DSC1: variants seen among roughly 807,000 people sequenced by gnomAD.
The protein encoded by DSC1 is desmocollin 1.
Under a neutral mutation model 98.8 loss-of-function variants are expected in DSC1, and 79 were observed. That is an observed-to-expected ratio of 0.80 (90% CI 0.67 to 0.96). The LOEUF (loss-of-function observed/expected upper bound fraction) is 0.96. Among genes scored for constraint, DSC1 ranks in the 50% least tolerant of loss-of-function variants. DSC1 has a pLI of 0.00. For missense variants in DSC1, 1,115 were observed against 1,075.9 expected (o/e 1.04, Z -0.51); for synonymous variants, 405 against 372.1 (o/e 1.09, Z -1.02).
intron 1 of DSC1, 96 bp from the exon 2 acceptor site, chr18:31,159,625 T>C (rs1989174434): frequency 8.6e-7 from 1 of 1,162,238 alleles, no homozygotes; most frequent in Non-Finnish European, 1.2e-6. Context: ...TTGTCAATTT[T>C]GGAAACAAAT....
chr18:31,159,958 GAAGTCTAGAAA>G (rs1989179926), intron 1 of DSC1, among the ~76,000 whole-genome samples: 1 of 152,158 alleles, frequency 6.6e-6, no homozygotes, highest in Non-Finnish European at 1.5e-5. Context: ...TATAGTTGAT[GAAGTCTAGAAA>G]ATAGTTAAGG....
intron 5 of DSC1, among the ~76,000 whole-genome samples, chr18:31,154,467 G>A (rs1402091784): frequency 2.0e-5 from 3 of 151,970 alleles, no homozygotes; most frequent in African/African-American, 7.2e-5. Context: ...GAATAACTGA[G>A]TCATTTTATT....
In DSC1 at chr18:31,143,657, A is replaced by G; in HGVS notation, c.1074T>C (p.Ser358=). ...NDNPPSFTET[S]YVTEVEENRI... ...TGAATGAATAGAGAGGTATACTCAC[A>G]GAAGTTTCTGTGAAAGATGGTGGAT... The change falls in exon 8 of 16, where the codon TCT becomes TCC. Residue 358 remains serine, a splice_region_variant and synonymous_variant. Coordinates refer to ENST00000257198, the MANE Select transcript of DSC1 (RefSeq NM_024421.2). The G allele has an allele frequency of 6.3e-7, 1 of 1,574,910 alleles. No individual in the cohort carries two copies. Among genetic ancestry groups the G allele is most frequent in the Non-Finnish European group, 8.6e-7 (1 of 1,161,368 alleles).
At chr18:31,155,645 T>G (rs990642673) in intron 4 of DSC1, among the ~76,000 whole-genome samples, 6 of 152,158 alleles carry the variant, frequency 3.9e-5, no homozygotes, top group East Asian at 1.9e-4. Context: ...TATGTGGCAG[T>G]GAGGCAATCT....
intron 1 of DSC1, among the ~76,000 whole-genome samples, chr18:31,160,012 C>A (rs374394205): frequency 3.3e-5 from 5 of 152,032 alleles, no homozygotes; most frequent in African/African-American, 1.2e-4. Context: ...ATAATGCCCC[C>A]AAAAAATCAT....
intron 12 of DSC1, 41 bp from the exon 13 acceptor site, chr18:31,134,171 T>C: frequency 6.3e-7 from 1 of 1,585,704 alleles, no homozygotes; most frequent in Admixed American, 1.7e-5. Context: ...ATTGGCTGTT[T>C]AGATGGCAGT....
At position 31,157,428 on chromosome 18, in the gene DSC1, A is replaced by G; in HGVS notation, c.294T>C (p.Asp98=). 6.2e-7 allele frequency: 1 copy of G among 1,614,184 alleles called. No individual in the cohort carries two copies. Among genetic ancestry groups the G allele is most frequent in the Non-Finnish European group, 8.5e-7 (1 of 1,180,032 alleles). ...ERKSFSIFLS[D]GQRREQQEIK... is the part of the protein sequence containing the mutation. ...TCTCTTGTTGTTCCCGTCTCTGACCATCTGAAAGGAAAATGGAAAAACTTT... is the reference window on the plus strand; with the variant it reads ...TCTCTTGTTGTTCCCGTCTCTGACCGTCTGAAAGGAAAATGGAAAAACTTT... The change falls in exon 3 of 16, where the codon GAT becomes GAC. Residue 98 remains aspartate (D), a synonymous_variant. Coordinates refer to ENST00000257198, the MANE Select transcript of DSC1 (RefSeq NM_024421.2).
chr18:31,130,454 T>A lies in DSC1; in HGVS notation c.*60A>T, dbSNP rs1248067015. ...AAACATTAGCAGATGCTGCTAACATTCTGCAAGTAATAAATTCCTACTTAT... is the reference window on the plus strand; with the variant it reads ...AAACATTAGCAGATGCTGCTAACATACTGCAAGTAATAAATTCCTACTTAT... On this transcript the variant is annotated 3_prime_UTR_variant, in exon 16 of 16. Transcript: ENST00000257198. 1 of 1,586,924 alleles carries A rather than the reference T, an allele frequency of 6.3e-7. No individual in the cohort carries two copies. Among genetic ancestry groups the A allele is most frequent in the Admixed American group, 1.7e-5 (1 of 59,008 alleles).
chr18:31,131,800 CACA>C lies in DSC1; in HGVS notation c.2278_2280del (p.Cys760del). On this transcript the variant is annotated inframe_deletion, in exon 15 of 16. Transcript: ENST00000257198. ...ACAGTACCAACAGACATGCTTGTGT[CACA>C]AATGTTGGATGTCTGCATGGGGAGT... The C allele has an allele frequency of 6.2e-7, 1 of 1,614,060 alleles. No individual in the cohort carries two copies. The highest frequency in any genetic ancestry group is 8.5e-7 in the Non-Finnish European group (1 of 1,179,980).
chr18:31,159,655 AT>A, intron 1 of DSC1, 126 bp from the exon 2 acceptor site: 1 of 894,032 alleles, frequency 1.1e-6, no homozygotes, highest in Non-Finnish European at 1.7e-6. Flanking sequence ...AATTCTTTAC[AT>A]TTTTAATACT....
chr18:31,138,128 T>C (rs1988651686), intron 11 of DSC1, among the ~76,000 whole-genome samples: 1 of 152,122 alleles, frequency 6.6e-6, no homozygotes, highest in South Asian at 2.1e-4. Context: ...GGCCCTGGAA[T>C]GTAGATTTGT....
chr18:31,145,609 A>C lies in DSC1; in HGVS notation c.939+2T>G, dbSNP rs753765013. On this transcript the variant is annotated splice_donor_variant, in intron 7 of 15. Coordinates refer to ENST00000257198, the MANE Select transcript of DSC1 (RefSeq NM_024421.2). LOFTEE classifies it high-confidence loss of function. ...ACTAGATAGTTAATTAATCATCATT[A>C]CTTCTCTATCCAGAAAAGGTGTAGT... 2 of 1,613,616 alleles carry C rather than the reference A, an allele frequency of 1.2e-6. No individual in the cohort carries two copies.
intron 11 of DSC1, among the ~76,000 whole-genome samples, chr18:31,138,039 A>T (rs1988649465): frequency 6.6e-6 from 1 of 151,490 alleles, no homozygotes; most frequent in African/African-American, 2.4e-5. Flanking sequence ...AAAATCCATC[A>T]TATCACTATA....
chr18:31,135,846 T>G (rs2144919175), intron 11 of DSC1, among the ~76,000 whole-genome samples: 1 of 152,300 alleles, frequency 6.6e-6, no homozygotes, highest in Admixed American at 6.5e-5. Flanking sequence ...TTCATGTTTT[T>G]GCTTTAAATA....
At position 31,132,707 on chromosome 18, in the gene DSC1, T is replaced by C; in HGVS notation, c.2117-18A>G. 6.2e-7 allele frequency: 1 copy of C among 1,604,940 alleles called. No homozygotes were observed. Among genetic ancestry groups the C allele is most frequent in the Non-Finnish European group, 8.5e-7 (1 of 1,175,466 alleles). ...CAGAATACCTAAAAAGCAAAAAAGA[T>C]CAAAGTAAAACACAGACATTAAATC... On this transcript the variant is annotated intron_variant, in intron 13 of 15. Coordinates refer to ENST00000257198, the MANE Select transcript of DSC1 (RefSeq NM_024421.2).
Position 31,145,638 on chromosome 18 carries a change from G to C in DSC1, c.912C>G (p.Thr304=). Residue 304 remains threonine (T), a synonymous_variant, in exon 7 of 16, where the codon ACC becomes ACG. Transcript: ENST00000257198. ...FSIHPDTGVI[T]TTTPFLDREK... Reference sequence around the variant, plus strand: ...CTCTATCCAGAAAAGGTGTAGTTGTGGTGATGACACCGGTATCTGGGTGTA... The same window carrying C: ...CTCTATCCAGAAAAGGTGTAGTTGTCGTGATGACACCGGTATCTGGGTGTA... 3 of 1,614,114 alleles carry C rather than the reference G, an allele frequency of 1.9e-6. No homozygotes were observed. The highest frequency in any genetic ancestry group is 1.7e-6 in the Non-Finnish European group (2 of 1,180,002).
At chr18:31,135,681 A>G (rs1988595853) in intron 11 of DSC1, among the ~76,000 whole-genome samples, 1 of 152,180 alleles carries the variant, frequency 6.6e-6, no homozygotes, top group South Asian at 2.1e-4. Context: ...CTTCACACAT[A>G]GTATTTTTAG....
chr18:31,132,459 A>G (rs1988514880), intron 14 of DSC1, 109 bp downstream of exon 14: 2 of 1,451,948 alleles, frequency 1.4e-6, no homozygotes, highest in Admixed American at 1.9e-5. Flanking sequence ...TCTGCTTAGC[A>G]TAGTAAGTGC....
chr18:31,148,344 A>G (rs1033649893), intron 6 of DSC1, among the ~76,000 whole-genome samples, 154 bp downstream of exon 6: 10 of 152,350 alleles, frequency 6.6e-5, no homozygotes, highest in Non-Finnish European at 1.3e-4. Flanking sequence ...GCAATGTCAT[A>G]TAACATCAAT....
Sources: allele counts gnomAD v4.1 joint callset (sites outside exome capture counted in the v4.1 genomes callset), GRCh38; gene constraint gnomAD v4.1.1; transcripts MANE v1.5; gene names NCBI Gene and HGNC (gene_info 2026-07-23, HGNC 2026-07-21).